The following TMEM178B variants were observed in gnomAD, a reference collection of about 807,000 sequenced individuals.
TMEM178B encodes the protein transmembrane protein 178B.
TMEM178B carries 5 observed loss-of-function variants against 31.0 expected under a neutral mutation model. The ratio of observed to expected loss-of-function variants is 0.16; its 90% CI spans 0.08 to 0.34. TMEM178B has a LOEUF of 0.34. TMEM178B is among the 10% of genes least tolerant of loss of function. The pLI is 1.00. For missense variants in TMEM178B, 275 were observed against 400.3 expected, an observed-to-expected ratio of 0.69 and a Z score of 2.67; for synonymous variants, 164 against 164.0, an observed-to-expected ratio of 1.00 and a Z score of 0.00.
intron 1 of TMEM178B, among the ~76,000 whole-genome samples, chr7:141,188,628 C>T (rs1274796366): frequency 6.6e-6 from 1 of 152,142 alleles, no homozygotes; most frequent in Non-Finnish European, 1.5e-5. Context: ...TTGTGCTTCC[C>T]TAGGTGTTAT....
chr7:141,211,831 T>C (rs1458692978), intron 1 of TMEM178B, among the ~76,000 whole-genome samples: 2 of 152,224 alleles, frequency 1.3e-5, no homozygotes, highest in African/African-American at 4.8e-5. Context: ...ATTGCCAGGC[T>C]CTACTTCCTA....
At chr7:141,085,369 A>G (rs929071917) in intron 1 of TMEM178B, among the ~76,000 whole-genome samples, 3 of 151,982 alleles carry the variant, frequency 2.0e-5, no homozygotes, top group Non-Finnish European at 4.4e-5. Flanking sequence ...ATTCATCTAC[A>G]GGTGATGTTT....
chr7:141,435,196 A>C (rs541070598), intron 2 of TMEM178B, among the ~76,000 whole-genome samples: 1 of 152,356 alleles, frequency 6.6e-6, no homozygotes, highest in African/African-American at 2.4e-5. Context: ...ATGCAGAGGA[A>C]TGAAACTAGG....
At chr7:141,507,839 C>A in the TMEM178B span, among the ~76,000 whole-genome samples, 1 of 152,218 alleles carries the variant, frequency 6.6e-6, no homozygotes, top group Non-Finnish European at 1.5e-5. Flanking sequence ...AGGTTGCACA[C>A]AGCACAGGCA....
intron 2 of TMEM178B, among the ~76,000 whole-genome samples, chr7:141,355,522 T>C (rs1799804274): frequency 6.6e-6 from 1 of 152,166 alleles, no homozygotes; most frequent in African/African-American, 2.4e-5. Flanking sequence ...GGGGTGTGTA[T>C]GTGCTGGATA....
the TMEM178B span, among the ~76,000 whole-genome samples, chr7:141,497,937 C>A: frequency 6.6e-6 from 1 of 152,172 alleles, no homozygotes; most frequent in East Asian, 1.9e-4. Flanking sequence ...GCTGCAAAGC[C>A]CTGGGTTCAA....
At position 141,215,859 on chromosome 7, in the gene TMEM178B, C is replaced by T. The variant is rs13312101; in HGVS notation, c.496+3155C>T. Among the ~76,000 whole-genome samples the T allele has an allele frequency of 4.5e-3, 454 of 100,794 alleles. 13 individuals carry two copies. The highest frequency in any genetic ancestry group is 0.041 in the Admixed American group (390 of 9,602). The allele number at this position is 100,794 out of a possible 152,430, so 66.1% of individuals were successfully genotyped here. A position where few individuals can be genotyped will look rare whatever the true frequency, so the allele number is the denominator to read the frequency against. On this transcript the variant is annotated intron_variant, in intron 2 of 3. Coordinates refer to ENST00000565468, the MANE Select transcript of TMEM178B (RefSeq NM_001195278.2). ...CTTTCTTTTCTTTTCTTTTCTTTCT[C>T]TTTCTTTCTTTTCCTCCTTCCTTCC... is the stretch of plus-strand genomic sequence containing the variant.
intron 1 of TMEM178B, among the ~76,000 whole-genome samples, chr7:141,168,366 A>G (rs1189840994): frequency 6.6e-6 from 1 of 152,206 alleles, no homozygotes; most frequent in East Asian, 1.9e-4. Flanking sequence ...GAGAATGGGA[A>G]CCAAGGCTAT....
intron 1 of TMEM178B, among the ~76,000 whole-genome samples, chr7:141,123,640 C>T (rs1025706599): frequency 6.6e-6 from 1 of 152,166 alleles, no homozygotes; most frequent in Non-Finnish European, 1.5e-5. Flanking sequence ...AGTGGGGGAG[C>T]TAGAGATTGC....
intron 2 of TMEM178B, among the ~76,000 whole-genome samples, chr7:141,359,610 G>A (rs541098798): frequency 6.6e-6 from 1 of 152,270 alleles, no homozygotes; most frequent in South Asian, 2.1e-4. Context: ...CATTTCTCCA[G>A]GTCCATCTTG....
intron 1 of TMEM178B, among the ~76,000 whole-genome samples, chr7:141,138,561 A>C (rs1331249745): frequency 6.6e-6 from 1 of 151,966 alleles, no homozygotes; most frequent in Non-Finnish European, 1.5e-5. Flanking sequence ...GAGTTTAATC[A>C]TCTCATGTTT....
chr7:141,328,075 G>A (rs1799225714), intron 2 of TMEM178B, among the ~76,000 whole-genome samples: 1 of 152,178 alleles, frequency 6.6e-6, no homozygotes, highest in African/African-American at 2.4e-5. Context: ...TCATTCATAA[G>A]TGCATCACAA....
At chr7:141,261,968 G>C (rs1045558256) in intron 2 of TMEM178B, among the ~76,000 whole-genome samples, 1 of 152,146 alleles carries the variant, frequency 6.6e-6, no homozygotes, top group African/African-American at 2.4e-5. Flanking sequence ...AGGCAGCTAA[G>C]GCCAGAAAAG....
At chr7:141,147,165 A>G (rs1275727479) in intron 1 of TMEM178B, among the ~76,000 whole-genome samples, 4 of 152,134 alleles carry the variant, frequency 2.6e-5, no homozygotes, top group African/African-American at 9.7e-5. Context: ...TGAGTGAAGG[A>G]AAGATTGGTA....
At chr7:141,131,534 C>T (rs924462178) in intron 1 of TMEM178B, among the ~76,000 whole-genome samples, 1 of 151,814 alleles carries the variant, frequency 6.6e-6, no homozygotes, top group Non-Finnish European at 1.5e-5. Flanking sequence ...TTAGTTTTGC[C>T]CACTTTCGGG....
intron 1 of TMEM178B, among the ~76,000 whole-genome samples, chr7:141,107,412 G>A (rs1024982929): frequency 1.3e-4 from 20 of 152,192 alleles, no homozygotes; most frequent in Admixed American, 9.2e-4. Context: ...TAGGAGCTGC[G>A]TTTACAATGT....
At chr7:141,202,923 T>C (rs1252611886) in intron 1 of TMEM178B, among the ~76,000 whole-genome samples, 1 of 152,246 alleles carries the variant, frequency 6.6e-6, no homozygotes, top group African/African-American at 2.4e-5. Flanking sequence ...CAGCATGGTT[T>C]GCCCACTTGG....
chr7:141,138,626 GA>G (rs1194109439), intron 1 of TMEM178B, among the ~76,000 whole-genome samples: 18 of 147,290 alleles, frequency 1.2e-4, no homozygotes, highest in East Asian at 9.9e-4. Flanking sequence ...GGAAGGCACT[GA>G]AAAAAAAAAC....
intron 3 of TMEM178B, among the ~76,000 whole-genome samples, chr7:141,469,598 A>G (rs1460772411): frequency 6.6e-6 from 1 of 152,122 alleles, no homozygotes; most frequent in African/African-American, 2.4e-5. Context: ...CAAACTATAC[A>G]TCCTTCTTCT....
Sources: allele counts gnomAD v4.1 joint callset (sites outside exome capture counted in the v4.1 genomes callset), GRCh38; gene constraint gnomAD v4.1.1; transcripts MANE v1.5; gene names NCBI Gene and HGNC (gene_info 2026-07-23, HGNC 2026-07-21).